Variants in SNCAIP observed in about 807,000 individuals in gnomAD.
SNCAIP encodes synphilin-1.
Under a neutral mutation model 86.7 loss-of-function variants are expected in SNCAIP, and 43 were observed. That is an observed-to-expected ratio of 0.50 (90% CI 0.39 to 0.64). The LOEUF (loss-of-function observed/expected upper bound fraction) is 0.64. Ranked by LOEUF, SNCAIP falls within the 30% of genes least tolerant of loss-of-function variation. The pLI is 0.00. For missense variants in SNCAIP, 981 were observed against 1,103.1 expected (o/e 0.89, Z 1.57); for synonymous variants, 417 against 427.2 (o/e 0.98, Z 0.29).
intron 3 of SNCAIP, among the ~76,000 whole-genome samples, chr5:122,410,137 T>C (rs185407819): frequency 3.1e-4 from 47 of 152,340 alleles, no homozygotes; most frequent in Middle Eastern, 6.8e-3. Flanking sequence ...TTTTTATTGT[T>C]TAACAAAATA....
At chr5:122,373,738 G>A (rs1333560707) in intron 1 of SNCAIP, among the ~76,000 whole-genome samples, 1 of 152,120 alleles carries the variant, frequency 6.6e-6, no homozygotes, top group African/African-American at 2.4e-5. Flanking sequence ...GGATTCAGCT[G>A]GCTGCAAAGT....
chr5:122,450,629 G>T lies in SNCAIP; in HGVS notation c.1782G>T (p.Gly594=), dbSNP rs1783523996. 6.2e-7 allele frequency: 1 copy of T among 1,613,572 alleles called. No individual in the cohort carries two copies. Among genetic ancestry groups the T allele is most frequent in the African/African-American group, 1.3e-5 (1 of 74,900 alleles). The change falls in exon 10 of 11, where the codon GGG becomes GGT. Residue 594 remains glycine, a synonymous_variant. Coordinates refer to ENST00000261368, the MANE Select transcript of SNCAIP (RefSeq NM_005460.4). Reference sequence around the variant, plus strand: ...AAAGCAAGCCAGGAGTCCAAGAGGGGATTCAGGTTCTTGGAAGCCTGTCAG... The same window carrying T: ...AAAGCAAGCCAGGAGTCCAAGAGGGTATTCAGGTTCTTGGAAGCCTGTCAG... The part of the protein sequence containing the change: ...VAKSKPGVQE[G]IQVLGSLSAS...
At chr5:122,317,191 A>G (rs1362840776) in intron 1 of SNCAIP, among the ~76,000 whole-genome samples, 1 of 152,186 alleles carries the variant, frequency 6.6e-6, no homozygotes, top group East Asian at 1.9e-4. Flanking sequence ...TCCACCACTC[A>G]TAAAAATAAA....
At chr5:122,390,478 T>G (rs555730308) in intron 1 of SNCAIP, among the ~76,000 whole-genome samples, 1 of 152,324 alleles carries the variant, frequency 6.6e-6, no homozygotes, top group Admixed American at 6.5e-5. Flanking sequence ...CAAAGCTGTT[T>G]GAGGCAGAGG....
intron 8 of SNCAIP, among the ~76,000 whole-genome samples, chr5:122,447,450 C>T (rs1254251590): frequency 6.6e-6 from 1 of 152,180 alleles, no homozygotes; most frequent in Admixed American, 6.5e-5. Context: ...CTTCCTTCTC[C>T]ATTCATACCT....
At chr5:122,360,968 G>GA (rs958057979) in intron 1 of SNCAIP, among the ~76,000 whole-genome samples, 25 of 149,074 alleles carry the variant, frequency 1.7e-4, no homozygotes, top group African/African-American at 3.7e-4. Context: ...GGTAAATAGT[G>GA]AAAAAAAAAT....
At chr5:122,444,918 A>G (rs1254351468) in intron 8 of SNCAIP, 186 bp downstream of exon 8, 18 of 652,900 alleles carry the variant, frequency 2.8e-5, no homozygotes, top group Admixed American at 4.3e-5. Flanking sequence ...CCATCTCTGC[A>G]GAGGCAAAAG....
chr5:122,419,062 G>A (rs1052189362), intron 3 of SNCAIP, among the ~76,000 whole-genome samples: 2 of 152,102 alleles, frequency 1.3e-5, no homozygotes, highest in Non-Finnish European at 2.9e-5. Context: ...GAAGGAGAAG[G>A]GTCAAGGAAA....
intron 3 of SNCAIP, among the ~76,000 whole-genome samples, chr5:122,405,611 C>T (rs1465915244): frequency 6.6e-6 from 1 of 152,170 alleles, no homozygotes; most frequent in Non-Finnish European, 1.5e-5. Flanking sequence ...CTTCCAGATT[C>T]TGTTATATTA....
intron 10 of SNCAIP, among the ~76,000 whole-genome samples, chr5:122,457,324 C>T (rs933919652): frequency 1.3e-5 from 2 of 152,136 alleles, no homozygotes; most frequent in African/African-American, 4.8e-5. Flanking sequence ...GTTCTAAGCC[C>T]TGAACGGAAG....
chr5:122,322,944 A>G (rs1753274869), intron 1 of SNCAIP, among the ~76,000 whole-genome samples: 1 of 152,224 alleles, frequency 6.6e-6, no homozygotes, highest in Non-Finnish European at 1.5e-5. Flanking sequence ...ATATTTCTTC[A>G]AAGATGACAG....
At chr5:122,440,862 A>G in intron 7 of SNCAIP, 108 bp downstream of exon 7, 1 of 1,046,244 alleles carries the variant, frequency 9.6e-7, no homozygotes, top group South Asian at 1.3e-5. Context: ...CACCTTTTGT[A>G]TGGTCGTAGA....
chr5:122,323,956 C>T, intron 1 of SNCAIP, among the ~76,000 whole-genome samples: 1 of 152,166 alleles, frequency 6.6e-6, no homozygotes, highest in South Asian at 2.1e-4. Flanking sequence ...GATTCTTACA[C>T]AGCATGAAAG....
At chr5:122,356,420 G>T (rs555999677) in intron 1 of SNCAIP, among the ~76,000 whole-genome samples, 3 of 152,134 alleles carry the variant, frequency 2.0e-5, no homozygotes, top group Non-Finnish European at 4.4e-5. Flanking sequence ...CTGGTCATTA[G>T]CTTCCTTTTT....
intron 1 of SNCAIP, among the ~76,000 whole-genome samples, chr5:122,330,742 A>G (rs1376308048): frequency 1.3e-5 from 2 of 152,082 alleles, no homozygotes; most frequent in East Asian, 3.9e-4. Context: ...CAATTTTTCC[A>G]TAGTTGGGGG....
chr5:122,447,455 A>G lies in SNCAIP; in HGVS notation c.1593-2390A>G, dbSNP rs545426063. On this transcript the variant is annotated intron_variant, in intron 8 of 10. Coordinates refer to ENST00000261368, the MANE Select transcript of SNCAIP (RefSeq NM_005460.4). The stretch of plus-strand genomic sequence containing the variant: ...AGAGAGTAGTCTTCCTTCTCCATTC[A>G]TACCTGAGATTCAAGTTGTCAGTCA... 3.9e-5 allele frequency among the ~76,000 whole-genome samples: 6 copies of G among 152,250 alleles called. No homozygotes were observed. The East Asian group carries it at 1.2e-3, about 29-fold the overall frequency.
At chr5:122,413,988 C>T (rs1022749678) in intron 3 of SNCAIP, among the ~76,000 whole-genome samples, 3 of 152,180 alleles carry the variant, frequency 2.0e-5, no homozygotes, top group Non-Finnish European at 2.9e-5. Flanking sequence ...TAGCTCACCA[C>T]AGCCTCCAAC....
chr5:122,387,290 C>G (rs1338990968), intron 1 of SNCAIP, among the ~76,000 whole-genome samples: 1 of 152,016 alleles, frequency 6.6e-6, no homozygotes, highest in Non-Finnish European at 1.5e-5. Context: ...TCCCGAATAG[C>G]TGGGACTACA....
At chr5:122,350,375 AT>A (rs1199507524) in intron 1 of SNCAIP, among the ~76,000 whole-genome samples, 1 of 152,118 alleles carries the variant, frequency 6.6e-6, no homozygotes, top group Non-Finnish European at 1.5e-5. Context: ...AGATGACATA[AT>A]TTTTTAGTAT....
Sources: allele counts gnomAD v4.1 joint callset (sites outside exome capture counted in the v4.1 genomes callset), GRCh38; gene constraint gnomAD v4.1.1; transcripts MANE v1.5; gene names NCBI Gene and HGNC (gene_info 2026-07-23, HGNC 2026-07-21).